MEIS2: variants seen among roughly 807,000 people sequenced by gnomAD.
MEIS2 encodes the protein Meis homeobox 2.
In MEIS2, 9 loss-of-function variants were observed where a neutral mutation model predicts 58.6. The ratio of observed to expected loss-of-function variants is 0.15; its 90% CI spans 0.09 to 0.27. The LOEUF is 0.27. Ranked by LOEUF, MEIS2 falls within the 10% of genes least tolerant of loss-of-function variation. The pLI, the probability that MEIS2 is intolerant of heterozygous loss-of-function variation, is 1.00. For missense variants in MEIS2, 427 were observed against 635.0 expected (o/e 0.67, Z 3.52); for synonymous variants, 221 against 228.4 (o/e 0.97, Z 0.29).
intron 8 of MEIS2, among the ~76,000 whole-genome samples, chr15:36,996,003 G>GTATATA (rs1555446467): frequency 7.5e-5 from 3 of 39,912 alleles, no homozygotes; most frequent in South Asian, 6.7e-4. Context: ...ATATATATAT[G>GTATATA]TATATATATA....
At chr15:37,070,755 A>C (rs2141872367) in intron 7 of MEIS2, among the ~76,000 whole-genome samples, 1 of 152,220 alleles carries the variant, frequency 6.6e-6, no homozygotes, top group Non-Finnish European at 1.5e-5. Context: ...AAATTTATAA[A>C]AATGTGCCCT....
In MEIS2 at chr15:37,088,880, TA is replaced by T. The variant is rs1459251236; in HGVS notation, c.639+4700del. ...GGATATTCCATAGAACATTTAGTAT[TA>T]AAAAAAGAAAATGAATTAAAGAATG... On this transcript the variant is annotated intron_variant, in intron 6 of 11. Coordinates refer to ENST00000561208, the MANE Select transcript of MEIS2 (RefSeq NM_170675.5). Among the ~76,000 whole-genome samples, 3 of 152,140 alleles carry T rather than the reference TA, an allele frequency of 2.0e-5. No homozygotes were observed. In the East Asian group the frequency reaches 5.8e-4, roughly 29 times the overall value.
chr15:36,924,190 G>A (rs917252196), intron 9 of MEIS2, among the ~76,000 whole-genome samples: 2 of 152,046 alleles, frequency 1.3e-5, no homozygotes, highest in African/African-American at 4.8e-5. Context: ...GAATATAAAA[G>A]TGAATTGATC....
At chr15:37,067,050 G>T (rs957573120) in intron 7 of MEIS2, among the ~76,000 whole-genome samples, 1 of 150,840 alleles carries the variant, frequency 6.6e-6, no homozygotes, top group Non-Finnish European at 1.5e-5. Context: ...CAAAGTTCTG[G>T]GATTACATGA....
chr15:36,921,123 G>GA (rs2057491396), intron 9 of MEIS2, among the ~76,000 whole-genome samples: 2 of 152,144 alleles, frequency 1.3e-5, no homozygotes, highest in South Asian at 4.1e-4. Context: ...AGCCCCTGTA[G>GA]AATAAAGCTG....
chr15:36,926,063 C>G (rs945771405), intron 9 of MEIS2, among the ~76,000 whole-genome samples: 2 of 152,026 alleles, frequency 1.3e-5, no homozygotes, highest in African/African-American at 4.8e-5. Context: ...TTTTTATCTT[C>G]AAATAAAAAG....
At chr15:36,941,166 A>G (rs1311919219) in intron 9 of MEIS2, among the ~76,000 whole-genome samples, 2 of 152,158 alleles carry the variant, frequency 1.3e-5, no homozygotes, top group African/African-American at 4.8e-5. Context: ...CCTGAGTTAC[A>G]CAGATCCAAG....
intron 8 of MEIS2, among the ~76,000 whole-genome samples, chr15:37,026,373 G>C (rs1260589414): frequency 2.0e-5 from 3 of 152,108 alleles, no homozygotes; most frequent in African/African-American, 7.2e-5. Flanking sequence ...ATTCTAGTGT[G>C]GCCTGAGTCA....
intron 3 of MEIS2, 112 bp from the exon 4 acceptor site, chr15:37,095,726 G>A: frequency 6.8e-7 from 1 of 1,479,298 alleles, no homozygotes; most frequent in South Asian, 1.2e-5. Context: ...AAGGGGCTTT[G>A]GCAAAATACA....
At chr15:36,993,262 G>A (rs1174636703) in intron 8 of MEIS2, among the ~76,000 whole-genome samples, 1 of 152,016 alleles carries the variant, frequency 6.6e-6, no homozygotes, top group Non-Finnish European at 1.5e-5. Context: ...ATATTTAAAT[G>A]AGGCAAAAAG....
intron 8 of MEIS2, among the ~76,000 whole-genome samples, chr15:37,018,390 A>G (rs1396453396): frequency 6.6e-6 from 1 of 152,246 alleles, no homozygotes; most frequent in East Asian, 1.9e-4. Flanking sequence ...CAATCTAGCC[A>G]GTAAGACCCA....
intron 8 of MEIS2, among the ~76,000 whole-genome samples, chr15:37,035,170 G>A (rs1567208756): frequency 1.3e-5 from 2 of 152,158 alleles, no homozygotes; most frequent in South Asian, 2.1e-4. Context: ...CTACACTGCC[G>A]TTCTTAGTTG....
chr15:36,926,645 T>C (rs2057760165), intron 9 of MEIS2, among the ~76,000 whole-genome samples: 1 of 152,232 alleles, frequency 6.6e-6, no homozygotes. Context: ...CAGGTCTTGA[T>C]AATTATGGCC....
chr15:37,088,362 C>T (rs1020602623), intron 6 of MEIS2, among the ~76,000 whole-genome samples: 1 of 152,106 alleles, frequency 6.6e-6, no homozygotes, highest in Non-Finnish European at 1.5e-5. Context: ...TATATTTAAA[C>T]AACAAAGGGA....
chr15:36,969,518 A>C (rs1376452006), intron 8 of MEIS2, among the ~76,000 whole-genome samples: 1 of 152,124 alleles, frequency 6.6e-6, no homozygotes, highest in Non-Finnish European at 1.5e-5. Context: ...TTCTTTAGTT[A>C]TTTAAAGGTA....
At position 37,026,285 on chromosome 15, in the gene MEIS2, G is replaced by A. The variant is rs761209548; in HGVS notation, c.900+10529C>T. 3.3e-5 allele frequency among the ~76,000 whole-genome samples: 5 copies of A among 152,156 alleles called. No homozygotes were observed. The East Asian group carries it at 7.7e-4, about 24-fold the overall frequency. On this transcript the variant is annotated intron_variant, in intron 8 of 11. Transcript: ENST00000561208. ...TAAAAGACTAGTGTAGCACCACCCC[G>A]GTACACTTGGGTTGTTTTTTGTCAG... is the stretch of plus-strand genomic sequence containing the variant.
At chr15:36,965,623 A>G (rs1168275916) in intron 8 of MEIS2, among the ~76,000 whole-genome samples, 1 of 152,196 alleles carries the variant, frequency 6.6e-6, no homozygotes, top group Admixed American at 6.5e-5. Flanking sequence ...TAAACTTTAA[A>G]ATATTTATAT....
chr15:36,912,727 G>C (rs150187093), intron 9 of MEIS2, among the ~76,000 whole-genome samples: 1 of 150,188 alleles, frequency 6.7e-6, no homozygotes, highest in African/African-American at 2.4e-5. Context: ...CTTTTAATCT[G>C]TCATATCTAA....
chr15:37,005,847 C>T (rs1342756919), intron 8 of MEIS2, among the ~76,000 whole-genome samples: 1 of 152,238 alleles, frequency 6.6e-6, no homozygotes, highest in Non-Finnish European at 1.5e-5. Flanking sequence ...GTGTACGCCA[C>T]TGGGCCCATG....
Sources: allele counts gnomAD v4.1 joint callset (sites outside exome capture counted in the v4.1 genomes callset), GRCh38; gene constraint gnomAD v4.1.1; transcripts MANE v1.5; gene names NCBI Gene and HGNC (gene_info 2026-07-23, HGNC 2026-07-21).